Variants in CLSTN2 observed in about 807,000 individuals in gnomAD.
The protein encoded by CLSTN2 is calsyntenin-2.
Under a neutral mutation model 101.2 loss-of-function variants are expected in CLSTN2, and 48 were observed. That is an observed-to-expected ratio of 0.47 (90% CI 0.38 to 0.60). The LOEUF is 0.60. CLSTN2 is among the 20% of genes least tolerant of loss of function. The pLI, the probability that CLSTN2 is intolerant of heterozygous loss-of-function variation, is 0.00. For missense variants in CLSTN2, 1,160 were observed against 1,238.2 expected, an observed-to-expected ratio of 0.94 and a Z score of 0.95; for synonymous variants, 481 against 463.6, an observed-to-expected ratio of 1.04 and a Z score of -0.48.
intron 4 of CLSTN2, among the ~76,000 whole-genome samples, chr3:140,414,748 C>T (rs954887166): frequency 1.3e-5 from 2 of 151,978 alleles, no homozygotes; most frequent in Non-Finnish European, 2.9e-5. Context: ...AATGTCTATA[C>T]TACCCAAAGC....
chr3:140,542,064 T>G (rs1416553386), intron 9 of CLSTN2, among the ~76,000 whole-genome samples: 1 of 152,180 alleles, frequency 6.6e-6, no homozygotes, highest in Non-Finnish European at 1.5e-5. Context: ...TCCCTCCACT[T>G]AAGGATTAAG....
In CLSTN2 at chr3:139,939,747, T is replaced by C. The variant is rs75241360; in HGVS notation, c.109+4264T>C. On this transcript the variant is annotated intron_variant, in intron 1 of 16. Transcript: ENST00000458420. The stretch of plus-strand genomic sequence containing the variant: ...GGGCAAAGGTAGTGTGGAATTTTTA[T>C]GGTGGATTGTTCTAAGTCATCTTTG... Among the ~76,000 whole-genome samples the C allele has an allele frequency of 4.4e-3, 663 of 152,336 alleles. 2 individuals are homozygous for C. Among genetic ancestry groups the C allele is most frequent in the Middle Eastern group, 0.024 (7 of 294 alleles).
intron 1 of CLSTN2, among the ~76,000 whole-genome samples, chr3:140,019,160 G>A (rs146580822): frequency 1.3e-4 from 20 of 152,284 alleles, no homozygotes; most frequent in Non-Finnish European, 2.6e-4. Flanking sequence ...AAAAAAGATG[G>A]TGTGACGGTT....
chr3:140,466,646 A>G lies in CLSTN2; in HGVS notation c.1259A>G (p.Asn420Ser). Residue 420 changes from asparagine (N) to serine (S), a missense_variant, in exon 8 of 17, where the codon AAC becomes AGC. By Grantham distance (46) the Asn-to-Ser change is conservative. Transcript: ENST00000458420. Reference sequence around the variant, plus strand: ...CATCACTATGCCCTGTATGTGCACAACTGCCGCCTCGTCTTTCTCTTGCGG... The same window carrying G: ...CATCACTATGCCCTGTATGTGCACAGCTGCCGCCTCGTCTTTCTCTTGCGG... ...NRHHYALYVH[N>S]CRLVFLLRKD... The G allele has an allele frequency of 6.2e-7, 1 of 1,614,172 alleles. No homozygotes were observed. The highest frequency in any genetic ancestry group is 8.5e-7 in the Non-Finnish European group (1 of 1,180,004).
chr3:140,193,269 T>C (rs985500382), intron 2 of CLSTN2, among the ~76,000 whole-genome samples: 5 of 148,286 alleles, frequency 3.4e-5, no homozygotes, highest in African/African-American at 7.3e-5. Context: ...TAGTTTTTTT[T>C]TTTTTTTTTT....
intron 1 of CLSTN2, among the ~76,000 whole-genome samples, chr3:139,996,161 A>G (rs2006650969): frequency 6.6e-6 from 1 of 152,176 alleles, no homozygotes; most frequent in South Asian, 2.1e-4. Flanking sequence ...ACCTTTACCC[A>G]AAATTGTTTG....
intron 1 of CLSTN2, among the ~76,000 whole-genome samples, chr3:140,038,446 C>T (rs114062332): frequency 0.027 from 4,074 of 151,946 alleles, 83 homozygotes; most frequent in Middle Eastern, 0.048. Context: ...ATATTAGACT[C>T]TTGTCAGATG....
chr3:140,071,032 C>T (rs2008382950), intron 1 of CLSTN2, among the ~76,000 whole-genome samples: 1 of 152,092 alleles, frequency 6.6e-6, no homozygotes, highest in South Asian at 2.1e-4. Flanking sequence ...CAAGACTAGC[C>T]TTATCGAATT....
intron 1 of CLSTN2, among the ~76,000 whole-genome samples, chr3:140,072,611 A>T (rs1190967691): frequency 2.6e-5 from 4 of 152,218 alleles, no homozygotes; most frequent in African/African-American, 9.6e-5. Context: ...CTGTTTACAA[A>T]AATAAGCTTC....
intron 2 of CLSTN2, among the ~76,000 whole-genome samples, chr3:140,368,327 G>T (rs1321449629): frequency 2.6e-5 from 4 of 152,160 alleles, no homozygotes; most frequent in African/African-American, 9.7e-5. Context: ...GCTTCCAGTT[G>T]CTTAAGCCAG....
At chr3:140,061,251 T>C (rs1432261457) in intron 1 of CLSTN2, among the ~76,000 whole-genome samples, 1 of 152,206 alleles carries the variant, frequency 6.6e-6, no homozygotes, top group Non-Finnish European at 1.5e-5. Context: ...GGCCGGCAGA[T>C]AAATGGATGT....
intron 5 of CLSTN2, among the ~76,000 whole-genome samples, chr3:140,427,466 G>A (rs1345616260): frequency 1.3e-5 from 2 of 151,886 alleles, no homozygotes; most frequent in Non-Finnish European, 2.9e-5. Context: ...GTCCATTTTA[G>A]AGAAAAGATC....
intron 1 of CLSTN2, among the ~76,000 whole-genome samples, chr3:140,125,746 A>T (rs563158557): frequency 6.6e-6 from 1 of 152,244 alleles, no homozygotes; most frequent in African/African-American, 2.4e-5. Context: ...TGTTCTCCAG[A>T]CACTTTTATG....
At chr3:140,479,435 G>C (rs938506327) in intron 8 of CLSTN2, among the ~76,000 whole-genome samples, 2 of 152,170 alleles carry the variant, frequency 1.3e-5, no homozygotes, top group African/African-American at 4.8e-5. Context: ...ATAATATCCA[G>C]TGTGCAATAA....
intron 2 of CLSTN2, among the ~76,000 whole-genome samples, chr3:140,309,431 TG>T (rs1160953822): frequency 6.6e-6 from 1 of 152,104 alleles, no homozygotes; most frequent in East Asian, 1.9e-4. Flanking sequence ...GGCTGGACAC[TG>T]GGTGTCTGTA....
intron 2 of CLSTN2, among the ~76,000 whole-genome samples, chr3:140,377,876 C>T (rs2087933880): frequency 6.6e-6 from 1 of 152,188 alleles, no homozygotes; most frequent in African/African-American, 2.4e-5. Context: ...TCACTCACCA[C>T]TCACTCACCC....
In CLSTN2 at chr3:139,962,827, G is replaced by A. The variant is rs539216498; in HGVS notation, c.109+27344G>A. ...ACATTTAGAGTGTCTTCAGTTTTTG[G>A]TTATTCCCAATAAAGCTGATATGAG... is the stretch of plus-strand genomic sequence containing the variant. On this transcript the variant is annotated intron_variant, in intron 1 of 16. Coordinates refer to ENST00000458420, the MANE Select transcript of CLSTN2 (RefSeq NM_022131.3). Among the ~76,000 whole-genome samples, 189 of 152,066 alleles carry A rather than the reference G, an allele frequency of 1.2e-3. 1 individual carries two copies. Among genetic ancestry groups the A allele is most frequent in the African/African-American group, 4.2e-3 (176 of 41,476 alleles).
intron 1 of CLSTN2, among the ~76,000 whole-genome samples, chr3:140,143,907 T>C (rs1328040049): frequency 6.6e-6 from 1 of 152,234 alleles, no homozygotes; most frequent in Non-Finnish European, 1.5e-5. Context: ...CAGCTTCCGC[T>C]CTGTAGATAC....
chr3:140,239,660 T>G (rs1298249848), intron 2 of CLSTN2, among the ~76,000 whole-genome samples: 1 of 152,264 alleles, frequency 6.6e-6, no homozygotes, highest in East Asian at 1.9e-4. Flanking sequence ...TAATGCAGTA[T>G]TTTCTAAAAA....
Sources: gnomAD v4.1 joint callset for allele counts (sites outside exome capture counted in the v4.1 genomes callset) on GRCh38, gnomAD v4.1.1 for gene constraint, MANE v1.5 for transcripts, NCBI Gene and HGNC (gene_info 2026-07-23, HGNC 2026-07-21) for gene names.